Variants in PPP2R5A observed in about 807,000 individuals in gnomAD.
PPP2R5A encodes the protein serine/threonine-protein phosphatase 2A 56 kDa regulatory subunit alpha isoform.
PPP2R5A carries 25 observed loss-of-function variants against 64.2 expected under a neutral mutation model. The observed-to-expected ratio is 0.39, with a 90% CI of 0.28 to 0.54. The LOEUF is 0.54. Ranked by LOEUF, PPP2R5A falls within the 20% of genes least tolerant of loss-of-function variation. PPP2R5A has a pLI of 0.67. For missense variants in PPP2R5A, 425 were observed against 576.3 expected (o/e 0.74, Z 2.69); for synonymous variants, 198 against 201.2 (o/e 0.98, Z 0.13).
chr1:212,289,069 A>G (rs943039773), intron 1 of PPP2R5A, among the ~76,000 whole-genome samples: 4 of 152,274 alleles, frequency 2.6e-5, no homozygotes, highest in Admixed American at 1.3e-4. Flanking sequence ...TTAATAAACA[A>G]CAAGCCTTGT....
rs769346379 is a variant in PPP2R5A at position 212,345,916 on chromosome 1, TAAC to T, written c.692_694del (p.Asn231del). 9 of 1,604,218 alleles carry T rather than the reference TAAC, an allele frequency of 5.6e-6. No homozygotes were observed. Among genetic ancestry groups the T allele is most frequent in the Non-Finnish European group, 7.7e-6 (9 of 1,174,162 alleles). ...TAAGAGCATTCATCAGAAAACAAAT[TAAC>T]AACATTTTCCTCAGGTAAATTAATC... On this transcript the variant is annotated inframe_deletion, in exon 5 of 13. Transcript: ENST00000261461.
At chr1:212,358,920 C>T (rs986981490) in intron 12 of PPP2R5A, 133 bp downstream of exon 12, 9 of 577,576 alleles carry the variant, frequency 1.6e-5, no homozygotes, top group Non-Finnish European at 2.6e-5. Context: ...GTAAACATTA[C>T]AATGTGAAAG....
chr1:212,346,362 T>C (rs572157071), intron 5 of PPP2R5A, among the ~76,000 whole-genome samples: 42 of 151,908 alleles, frequency 2.8e-4, no homozygotes, highest in African/African-American at 9.9e-4. Flanking sequence ...GGGCCTATCA[T>C]TTGCTTGTAG....
chr1:212,322,570 A>G (rs1571593089), intron 1 of PPP2R5A, among the ~76,000 whole-genome samples: 1 of 152,108 alleles, frequency 6.6e-6, no homozygotes, highest in African/African-American at 2.4e-5. Context: ...CATGTCTTGA[A>G]CCTACAAGTA....
intron 1 of PPP2R5A, among the ~76,000 whole-genome samples, chr1:212,312,240 G>A (rs767395576): frequency 2.0e-5 from 3 of 152,180 alleles, no homozygotes; most frequent in Non-Finnish European, 4.4e-5. Flanking sequence ...GCGTGTAGTA[G>A]GCTGTGCCAT....
intron 1 of PPP2R5A, among the ~76,000 whole-genome samples, chr1:212,290,906 A>G (rs1268235442): frequency 1.3e-5 from 2 of 152,208 alleles, no homozygotes; most frequent in Non-Finnish European, 2.9e-5. Flanking sequence ...TAAAATAACA[A>G]AGATGAATTA....
rs1325626424 is a variant in PPP2R5A at position 212,356,982 on chromosome 1, A to C, written c.1011A>C (p.Leu337Phe). 1.3e-6 allele frequency: 2 copies of C among 1,598,172 alleles called. No homozygotes were observed. Among genetic ancestry groups the C allele is most frequent in the East Asian group, 4.5e-5 (2 of 44,700 alleles). ...VMFLGEIEEI[L>F]DVIEPTQFKK... ...TTTTAGGAGAAATTGAAGAAATCTT[A>C]GATGTCATTGAACCAACACAGTTCA... is the stretch of plus-strand genomic sequence containing the variant. The change falls in exon 10 of 13, where the codon TTA becomes TTC. Residue 337 changes from leucine (L) to phenylalanine (F), a missense_variant. Around this residue, in one of 4 missense-constraint regions of PPP2R5A, gnomAD observed 177 missense variants for 244.8 expected, o/e 0.72. Coordinates refer to ENST00000261461, the MANE Select transcript of PPP2R5A (RefSeq NM_006243.4).
chr1:212,351,672 G>A (rs902712272), intron 8 of PPP2R5A, among the ~76,000 whole-genome samples: 1 of 152,158 alleles, frequency 6.6e-6, no homozygotes, highest in African/African-American at 2.4e-5. Context: ...AGAGGTTGCA[G>A]TGAGCCGAGA....
rs1054926044 is a variant in PPP2R5A at position 212,285,910 on chromosome 1, C to A, written c.-201C>A. On this transcript the variant is annotated 5_prime_UTR_variant, in exon 1 of 13. Transcript: ENST00000261461. Reference sequence around the variant, plus strand: ...CTCGCCGCGCGCCGGGGACCAGGAACCTCCAGCGCTGAGATGTGGCCGTGA... The same window carrying A: ...CTCGCCGCGCGCCGGGGACCAGGAAACTCCAGCGCTGAGATGTGGCCGTGA... The A allele has an allele frequency of 9.7e-5, 44 of 452,288 alleles. No individual in the cohort carries two copies. Among genetic ancestry groups the A allele is most frequent in the African/African-American group, 7.6e-4 (37 of 48,542 alleles). 28.0% of individuals were successfully genotyped at this position (452,288 alleles called of 1,614,324 possible).
At chr1:212,316,613 T>TTTTTTTTTTTTTTTTTTG (rs1491340211) in intron 1 of PPP2R5A, among the ~76,000 whole-genome samples, 2 of 138,850 alleles carry the variant, frequency 1.4e-5, no homozygotes, top group Non-Finnish European at 3.1e-5. Flanking sequence ...TTTTTTTTTT[T>TTTTTTTTTTTTTTTTTTG]AATCTGAAAG....
At chr1:212,337,891 T>C (rs1659616332) in intron 3 of PPP2R5A, among the ~76,000 whole-genome samples, 1 of 152,092 alleles carries the variant, frequency 6.6e-6, no homozygotes, top group Non-Finnish European at 1.5e-5. Flanking sequence ...ATATATAATA[T>C]CTCATATAGT....
chr1:212,318,342 AAT>A (rs1659199396), intron 1 of PPP2R5A, among the ~76,000 whole-genome samples: 1 of 152,122 alleles, frequency 6.6e-6, no homozygotes, highest in African/African-American at 2.4e-5. Flanking sequence ...TACCTTTCAT[AAT>A]ATTCATGCAG....
chr1:212,342,848 CTTT>C (rs34379519), intron 4 of PPP2R5A, among the ~76,000 whole-genome samples: 1 of 149,258 alleles, frequency 6.7e-6, no homozygotes, highest in East Asian at 1.9e-4. Context: ...GTGATGCCTT[CTTT>C]TTTTTTTATA....
chr1:212,338,257 T>G (rs1400960651), intron 3 of PPP2R5A, among the ~76,000 whole-genome samples: 1 of 152,218 alleles, frequency 6.6e-6, no homozygotes, highest in Non-Finnish European at 1.5e-5. Flanking sequence ...ATAGTAAGAT[T>G]ACACTCCTCA....
chr1:212,341,002 T>G (rs761863029), intron 3 of PPP2R5A, among the ~76,000 whole-genome samples: 1 of 152,210 alleles, frequency 6.6e-6, no homozygotes, highest in Non-Finnish European at 1.5e-5. Context: ...AGAATCCTCC[T>G]TTTTTATTTT....
At chr1:212,287,096 G>T (rs1658517769) in intron 1 of PPP2R5A, among the ~76,000 whole-genome samples, 1 of 152,122 alleles carries the variant, frequency 6.6e-6, no homozygotes, top group Non-Finnish European at 1.5e-5. Flanking sequence ...AATTCAAATT[G>T]GTATCCGTGC....
intron 1 of PPP2R5A, among the ~76,000 whole-genome samples, chr1:212,291,278 G>A (rs557988648): frequency 4.6e-5 from 7 of 152,108 alleles, no homozygotes; most frequent in Non-Finnish European, 8.8e-5. Flanking sequence ...TAGGGGTTTT[G>A]CCATGGCTGG....
chr1:212,293,949 A>G (rs1658647728), intron 1 of PPP2R5A, among the ~76,000 whole-genome samples: 1 of 152,120 alleles, frequency 6.6e-6, no homozygotes, highest in Admixed American at 6.6e-5. Flanking sequence ...AGTTTTCTTT[A>G]AGGTAGGGAG....
intron 4 of PPP2R5A, among the ~76,000 whole-genome samples, chr1:212,342,809 A>G (rs1659707307): frequency 6.6e-6 from 1 of 151,954 alleles, no homozygotes; most frequent in Admixed American, 6.6e-5. Context: ...AAGTGGAATC[A>G]TTAAGAACGT....
Sources: gnomAD v4.1 joint callset for allele counts (sites outside exome capture counted in the v4.1 genomes callset) on GRCh38, gnomAD v4.1.1 for gene constraint, gnomAD v4.1.1 regional missense constraint, MANE v1.5 for transcripts, NCBI Gene and HGNC (gene_info 2026-07-23, HGNC 2026-07-21) for gene names.